The following TMUB2 variants were observed in gnomAD, a reference collection of about 807,000 sequenced individuals.
TMUB2 encodes the protein transmembrane and ubiquitin-like domain-containing protein 2.
In TMUB2, 19 loss-of-function variants were observed where a neutral mutation model predicts 20.2. The observed-to-expected ratio is 0.94, with a 90% CI of 0.66 to 1.38. The LOEUF (loss-of-function observed/expected upper bound fraction) is 1.38, where lower values mean the gene tolerates loss of function less well. TMUB2 is among the 40% of genes most tolerant of loss of function. The pLI, the probability that TMUB2 is intolerant of heterozygous loss-of-function variation, is 0.00. For missense variants in TMUB2, 426 were observed against 402.5 expected (o/e 1.06, Z -0.50); for synonymous variants, 186 against 166.0 (o/e 1.12, Z -0.92).
At chr17:44,188,805 C>T (rs970401780) in intron 2 of TMUB2, 4 of 666,332 alleles carry the variant, frequency 6.0e-6, no homozygotes, top group East Asian at 6.3e-5. Context: ...GGTCACAGAA[C>T]GTGAAAGCAA....
At chr17:44,188,956 A>G in intron 2 of TMUB2, 66 bp from the exon 3 acceptor site, 1 of 1,498,158 alleles carries the variant, frequency 6.7e-7, no homozygotes, top group Non-Finnish European at 8.9e-7. Flanking sequence ...TTAGAACCTA[A>G]ACAAACTAGA....
rs1300072069 is a variant in TMUB2 at position 44,187,699 on chromosome 17, T to A, written c.-10T>A. 5 of 718,496 alleles carry A rather than the reference T, an allele frequency of 7.0e-6. No homozygotes were observed. In the Admixed American group the frequency reaches 1.0e-4, roughly 14 times the overall value. 44.5% of individuals were successfully genotyped at this position (718,496 alleles called of 1,614,324 possible). A position where few individuals can be genotyped will look rare whatever the true frequency, so the allele number is the denominator to read the frequency against. ...AGTGTGCCAGGCACTGTGCCAAGTA[T>A]TTTGCTTCGATGATTTCACGTCATC... On this transcript the variant is annotated 5_prime_UTR_variant, in exon 2 of 4. Coordinates refer to ENST00000538716, the MANE Select transcript of TMUB2 (RefSeq NM_001076674.3).
chr17:44,190,349 C>CAAA lies in TMUB2; in HGVS notation c.603-132_603-130dup, dbSNP rs34097625. ...CTGGCAACAGAGTGAGACTCCGTCT[C>CAAA]AAAAAAAAAAAAAAAAAAAAAAGGA... On this transcript the variant is annotated intron_variant, in intron 3 of 3. Transcript: ENST00000538716. The CAAA allele has an allele frequency of 3.5e-3, 1,138 of 324,370 alleles. 14 individuals carry two copies. Among genetic ancestry groups the CAAA allele is most frequent in the African/African-American group, 0.033 (827 of 25,188 alleles). 20.1% of individuals were successfully genotyped at this position (324,370 alleles called of 1,614,324 possible).
At position 44,191,713 on chromosome 17, in the gene TMUB2, T is replaced by C; in HGVS notation, c.*849T>C. On this transcript the variant is annotated 3_prime_UTR_variant, in exon 4 of 4. Transcript: ENST00000538716. ...GTCAGTGTCTGTGACTGAATAAAGT[T>C]CCATTTTGTGGTCCTGCAGCCTCTT... The C allele has an allele frequency of 4.1e-6, 4 of 985,726 alleles. No homozygotes were observed. Among genetic ancestry groups the C allele is most frequent in the Non-Finnish European group, 4.8e-6 (4 of 829,958 alleles). 61.1% of individuals were successfully genotyped at this position (985,726 alleles called of 1,614,324 possible).
At position 44,190,746 on chromosome 17, in the gene TMUB2, G is replaced by T; in HGVS notation, c.848G>T (p.Gly283Val). Residue 283 changes from glycine to valine, a missense_variant, in exon 4 of 4, where the codon GGT becomes GTT. Gly to Val is a moderately radical substitution (Grantham distance 109, BLOSUM62 -3). Transcript: ENST00000538716. ...GTGCCTGTCTTTGTGGTGCTGTTGG[G>T]TGTGGTCTGGTACTTCCGAATCAAT... The part of the protein sequence containing the change: ...LMVPVFVVLL[G>V]VVWYFRINYR... 1 of 1,614,204 alleles carries T rather than the reference G, an allele frequency of 6.2e-7. No homozygotes were observed. The highest frequency in any genetic ancestry group is 8.5e-7 in the Non-Finnish European group (1 of 1,180,046).
chr17:44,187,443 G>A, intron 1 of TMUB2: 1 of 545,846 alleles, frequency 1.8e-6, no homozygotes, highest in Non-Finnish European at 3.3e-6. Flanking sequence ...TACGGACAGG[G>A]TAGATCACAG....
chr17:44,187,975 C>G (rs957630443), intron 2 of TMUB2: 1 of 551,688 alleles, frequency 1.8e-6, no homozygotes, highest in African/African-American at 1.9e-5. Flanking sequence ...ACATACGATC[C>G]TTGTCTACCA....
intron 2 of TMUB2, chr17:44,188,745 C>A: frequency 2.7e-6 from 1 of 374,378 alleles, no homozygotes; most frequent in Non-Finnish European, 4.7e-6. Flanking sequence ...AGGCTGTGGG[C>A]TTTTCCTGCT....
Position 44,190,817 on chromosome 17 carries a change from G to A in TMUB2, c.919G>A (p.Val307Ile). The part of the protein sequence containing the change: ...TAPATVSLVG[V>I]TVFFSFLVFG... ...ACCTGCCACTGTCTCCCTGGTGGGA[G>A]TCACCGTCTTCTTCAGCTTCCTAGT... Residue 307 changes from valine to isoleucine, a missense_variant, in exon 4 of 4, where the codon GTC becomes ATC. Val to Ile is a conservative substitution (Grantham distance 29). Transcript: ENST00000538716. 1.2e-6 allele frequency: 2 copies of A among 1,614,144 alleles called. No homozygotes were observed. Among genetic ancestry groups the A allele is most frequent in the Admixed American group, 1.7e-5 (1 of 60,018 alleles).
rs567941612 is a variant in TMUB2, at chr17:44,190,580, C to G, written c.682C>G (p.Arg228Gly). 1.2e-6 allele frequency: 2 copies of G among 1,614,154 alleles called. No individual in the cohort carries two copies. The highest frequency in any genetic ancestry group is 1.7e-5 in the Admixed American group (1 of 60,008). Residue 228 changes from arginine to glycine, a missense_variant, in exon 4 of 4, where the codon CGT becomes GGT. Arg to Gly is a moderately radical substitution (Grantham distance 125). Coordinates refer to ENST00000538716, the MANE Select transcript of TMUB2 (RefSeq NM_001076674.3). ...GCTACAAGACCCAGCCCGCACACTG[C>G]GTTCTCTGAACATTACCGACAACTG... ...RLLQDPARTL[R>G]SLNITDNCVI... is the part of the protein sequence containing the mutation.
At chr17:44,187,615 A>G (rs1309089319) in intron 1 of TMUB2, 61 bp from the exon 2 acceptor site, 3 of 708,112 alleles carry the variant, frequency 4.2e-6, no homozygotes, top group Non-Finnish European at 5.3e-6. Context: ...TCTTACCATC[A>G]GGGGTTAGTT....
At chr17:44,190,267 C>T in intron 3 of TMUB2, 1 of 415,924 alleles carries the variant, frequency 2.4e-6, no homozygotes, top group Admixed American at 4.4e-5. Flanking sequence ...AGGAGAATTG[C>T]TTGAACCCGG....
Position 44,190,590 on chromosome 17 carries a change from A to G in TMUB2, c.692A>G (p.Asn231Ser). The change falls in exon 4 of 4, where the codon AAC becomes AGC. Residue 231 changes from asparagine (N) to serine (S), a missense_variant. Transcript: ENST00000538716. ...CCAGCCCGCACACTGCGTTCTCTGAACATTACCGACAACTGTGTGATTCAC... is the reference window on the plus strand; with the variant it reads ...CCAGCCCGCACACTGCGTTCTCTGAGCATTACCGACAACTGTGTGATTCAC... ...QDPARTLRSL[N>S]ITDNCVIHCH... 1 of 1,614,182 alleles carries G rather than the reference A, an allele frequency of 6.2e-7. No individual in the cohort carries two copies. The highest frequency in any genetic ancestry group is 1.7e-5 in the Admixed American group (1 of 60,026).
intron 3 of TMUB2, 64 bp from the exon 4 acceptor site, chr17:44,190,437 C>G: frequency 6.6e-7 from 1 of 1,519,480 alleles, no homozygotes; most frequent in Non-Finnish European, 8.8e-7. Flanking sequence ...TTTGTTGGTC[C>G]AGGCCTGTTT....
chr17:44,187,402 T>C, intron 1 of TMUB2: 1 of 400,696 alleles, frequency 2.5e-6, no homozygotes, highest in Non-Finnish European at 4.6e-6. Flanking sequence ...AGAAAAAGGG[T>C]GCGGGACCCC....
Position 44,189,640 on chromosome 17 carries a change from G to T in TMUB2, c.602+52G>T, listed in dbSNP as rs1477076648. The T allele has an allele frequency of 3.3e-6, 5 of 1,502,160 alleles. No individual in the cohort carries two copies. In the South Asian group the frequency reaches 5.3e-5, roughly 16 times the overall value. The allele number at this position is 1,502,160 out of a possible 1,614,324, so 93.1% of individuals were successfully genotyped here. The stretch of plus-strand genomic sequence containing the variant: ...GCTTGTGCTCATCCCCCAGCCCTTG[G>T]TTGCCTCTAAGGAGGCTGGTGCAGA... On this transcript the variant is annotated intron_variant, in intron 3 of 3. Coordinates refer to ENST00000538716, the MANE Select transcript of TMUB2 (RefSeq NM_001076674.3).
rs1415815090 is a variant in TMUB2, at chr17:44,189,460, C to T, written c.474C>T (p.Pro158=). 6.2e-7 allele frequency: 1 copy of T among 1,614,108 alleles called. No individual in the cohort carries two copies. The highest frequency in any genetic ancestry group is 8.5e-7 in the Non-Finnish European group (1 of 1,180,000). The change falls in exon 3 of 4, where the codon CCC becomes CCT. Residue 158 remains proline, a synonymous_variant. Transcript: ENST00000538716. ...AGAGSSSPEA[P]LRSEDSTCLP... ...CAGGCAGCAGCAGTCCAGAGGCCCC[C>T]CTGAGATCTGAGGATAGCACCTGCC...
Position 44,189,472 on chromosome 17 carries a change from G to A in TMUB2, c.486G>A (p.Glu162=). The A allele has an allele frequency of 6.2e-7, 1 of 1,614,084 alleles. No homozygotes were observed. Among genetic ancestry groups the A allele is most frequent in the South Asian group, 1.1e-5 (1 of 91,086 alleles). ...GTCCAGAGGCCCCCCTGAGATCTGA[G>A]GATAGCACCTGCCTCCCTCCCAGCC... is the stretch of plus-strand genomic sequence containing the variant. ...SSSPEAPLRS[E]DSTCLPPSPG... Residue 162 remains glutamate (E), a synonymous_variant, in exon 3 of 4, where the codon GAG becomes GAA. Coordinates refer to ENST00000538716, the MANE Select transcript of TMUB2 (RefSeq NM_001076674.3).
Position 44,189,336 on chromosome 17 carries a change from G to T in TMUB2, c.350G>T (p.Arg117Leu). ...DEKAEEAGEGRGDSTGEAGAG... is the reference protein window; with the variant it reads ...DEKAEEAGEGLGDSTGEAGAG... ...AAGGCTGAAGAGGCGGGTGAAGGTCGGGGAGACTCCACTGGGGAGGCTGGA... is the reference window on the plus strand; with the variant it reads ...AAGGCTGAAGAGGCGGGTGAAGGTCTGGGAGACTCCACTGGGGAGGCTGGA... The change falls in exon 3 of 4, where the codon CGG becomes CTG. Residue 117 changes from arginine to leucine, a missense_variant. By Grantham distance (102) the Arg-to-Leu change is moderately radical. Transcript: ENST00000538716. The T allele has an allele frequency of 6.3e-7, 1 of 1,594,710 alleles. No homozygotes were observed. The highest frequency in any genetic ancestry group is 8.5e-7 in the Non-Finnish European group (1 of 1,169,974).
Sources: gnomAD v4.1 joint callset for allele counts on GRCh38, gnomAD v4.1.1 for gene constraint, MANE v1.5 for transcripts, NCBI Gene and HGNC (gene_info 2026-07-23, HGNC 2026-07-21) for gene names.